Variants in SUN1 observed in about 807,000 individuals in gnomAD.
SUN1 encodes the protein Sad1 and UNC84 domain containing 1, also known as SUN domain-containing protein 1.
In SUN1, 61 loss-of-function variants were observed where a neutral mutation model predicts 103.2. The ratio of observed to expected loss-of-function variants is 0.59; its 90% CI spans 0.48 to 0.73. The LOEUF is 0.73. Ranked by LOEUF, SUN1 falls within the 30% of genes least tolerant of loss-of-function variation. The pLI is 0.00. For synonymous variants in SUN1, 490 were observed against 425.7 expected (o/e 1.15, Z -1.86); for missense variants, 1,052 against 1,034.6 (o/e 1.02, Z -0.23).
At chr7:830,584 C>T (rs1371292783), upstream of SUN1, among the ~76,000 whole-genome samples, 2 of 92,030 alleles carry the variant, frequency 2.2e-5, no homozygotes, top group East Asian at 3.4e-4. Flanking sequence ...GACTCCACAT[C>T]CTCACTTCCT....
Position 848,280 on chromosome 7 carries a change from C to G in SUN1, c.659-3104C>G. 5 of 738,238 alleles carry G rather than the reference C, an allele frequency of 6.8e-6. No homozygotes were observed. The East Asian group carries it at 2.9e-4, about 43-fold the overall frequency. 45.7% of individuals were successfully genotyped at this position (738,238 alleles called of 1,614,324 possible). The stretch of plus-strand genomic sequence containing the variant: ...TCCAGGGTCCCCTGTCCACTGCCAG[C>G]TGGGCTCTTCCCCAAGTGATTATCT... On this transcript the variant is annotated intron_variant, in intron 5 of 18. Transcript: ENST00000401592.
chr7:840,137 T>C lies in SUN1; in HGVS notation c.266+1151T>C, dbSNP rs116824563. On this transcript the variant is annotated intron_variant, in intron 2 of 18. Coordinates refer to ENST00000401592, the MANE Select transcript of SUN1 (RefSeq NM_001130965.3). ...GTGGCTGTTAAGAGCGATGGCGGAA[T>C]GGTTGATGGGTGGAGAACTGCCTGG... 3.9e-3 allele frequency among the ~76,000 whole-genome samples: 595 copies of C among 152,316 alleles called. 4 individuals are homozygous for C. Among genetic ancestry groups the C allele is most frequent in the African/African-American group, 0.014 (562 of 41,570 alleles).
intron 17 of SUN1, 77 bp from the exon 18 acceptor site, chr7:872,393 G>A: frequency 1.7e-6 from 2 of 1,208,186 alleles, no homozygotes; most frequent in Admixed American, 2.0e-5. Context: ...CTTAGTGCTG[G>A]CTGTGGAAGG....
intron 1 of SUN1, among the ~76,000 whole-genome samples, chr7:835,748 C>T (rs567909398): frequency 6.6e-6 from 1 of 152,322 alleles, no homozygotes; most frequent in South Asian, 2.1e-4. Flanking sequence ...CAGCTTGACC[C>T]ACCCGCAGTA....
chr7:851,322 C>A, intron 5 of SUN1, 62 bp from the exon 6 acceptor site: 1 of 1,436,488 alleles, frequency 7.0e-7, no homozygotes, highest in Admixed American at 2.0e-5. Context: ...CCCCACCGTG[C>A]TGTCACTGCA....
chr7:843,176 ATGTGTG>A, intron 3 of SUN1, 24 bp from the exon 4 acceptor site: 1 of 1,576,988 alleles, frequency 6.3e-7, no homozygotes, highest in Non-Finnish European at 8.6e-7. Flanking sequence ...AACAGCAAAA[ATGTGTG>A]TGTGTGTGTG....
upstream of SUN1, among the ~76,000 whole-genome samples, chr7:829,844 G>A (rs571615572): frequency 3.5e-4 from 53 of 152,242 alleles, no homozygotes; most frequent in South Asian, 5.4e-3. Context: ...GTGAGCCACC[G>A]AGCCCGGCCA....
intron 1 of SUN1, among the ~76,000 whole-genome samples, chr7:838,394 A>T (rs73043601): frequency 6.6e-6 from 1 of 152,238 alleles, no homozygotes. Flanking sequence ...GCGTGGATTC[A>T]TTCTACGGCG....
At chr7:852,721 T>G in intron 8 of SUN1, 54 bp downstream of exon 8, 1 of 1,613,838 alleles carries the variant, frequency 6.2e-7, no homozygotes, top group African/African-American at 1.3e-5. Context: ...CACACATATG[T>G]GTAACTTAGT....
chr7:870,843 G>A (rs1335635196), intron 17 of SUN1, among the ~76,000 whole-genome samples: 2 of 151,808 alleles, frequency 1.3e-5, no homozygotes, highest in East Asian at 1.9e-4. Context: ...TTGTACGGCC[G>A]AGTCGGTGCA....
chr7:856,410 A>T lies in SUN1; in HGVS notation c.1394+9A>T. 3 of 1,614,056 alleles carry T rather than the reference A, an allele frequency of 1.9e-6. No individual in the cohort carries two copies. The highest frequency in any genetic ancestry group is 2.5e-6 in the Non-Finnish European group (3 of 1,179,972). ...AAGCAAAAAACAATCAGGTAGGAGG[A>T]TTTGGAAAACATTCACTTTTGTCTT... is the stretch of plus-strand genomic sequence containing the variant. On this transcript the variant is annotated intron_variant, in intron 12 of 18. Transcript: ENST00000401592.
intron 17 of SUN1, among the ~76,000 whole-genome samples, chr7:872,096 C>G (rs1842132307): frequency 6.6e-6 from 1 of 152,182 alleles, no homozygotes; most frequent in Non-Finnish European, 1.5e-5. Flanking sequence ...GGCCTCATCT[C>G]CCCGGGCTCA....
At position 852,577 on chromosome 7, in the gene SUN1, T is replaced by C. The variant is rs757332500; in HGVS notation, c.852-32T>C. 4.3e-6 allele frequency: 7 copies of C among 1,613,924 alleles called. No individual in the cohort carries two copies. The African/African-American group carries it at 9.3e-5, about 22-fold the overall frequency. On this transcript the variant is annotated intron_variant, in intron 7 of 18. Transcript: ENST00000401592. ...TTGGTGAACCCTGACTTTCATTTTT[T>C]CTAAGTCAAAGGTTTTCATTGTTAC...
rs1457600326 is a variant in SUN1 at position 825,158 on chromosome 7, A to C, written c.-74+8485A>C. ...ACTGCAAGCTCCACCTCCCGGGTTC[A>C]CGCCATTCTCCTGCCTCAGCCTCCC... On this transcript the variant is annotated intron_variant, in intron 1 of 17. Coordinates refer to the SUN1 transcript ENST00000389574. Among the ~76,000 whole-genome samples the C allele has an allele frequency of 6.6e-5, 10 of 151,824 alleles. No individual in the cohort carries two copies. In the East Asian group the frequency reaches 1.9e-3, roughly 29 times the overall value.
At chr7:833,796 AGTG>A (rs1312637844) in intron 1 of SUN1, among the ~76,000 whole-genome samples, 23 of 152,232 alleles carry the variant, frequency 1.5e-4, no homozygotes, top group Non-Finnish European at 2.9e-4. Flanking sequence ...AGAGTCCTGT[AGTG>A]GTGAGAACAG....
chr7:857,114 A>T (rs765689026), intron 12 of SUN1, among the ~76,000 whole-genome samples: 1 of 151,344 alleles, frequency 6.6e-6, no homozygotes, highest in Non-Finnish European at 1.5e-5. Flanking sequence ...TGTCTTTCTT[A>T]CTTCATTTTA....
intron 13 of SUN1, among the ~76,000 whole-genome samples, chr7:859,767 C>A (rs929427649): frequency 6.6e-6 from 1 of 152,072 alleles, no homozygotes; most frequent in Non-Finnish European, 1.5e-5. Flanking sequence ...CTCATCAGAC[C>A]AAGTTTGTTG....
intron 9 of SUN1, 132 bp from the exon 10 acceptor site, chr7:853,277 G>A (rs958964926): frequency 3.8e-6 from 4 of 1,043,168 alleles, no homozygotes; most frequent in Non-Finnish European, 5.6e-6. Context: ...CCGGGTTTCT[G>A]TGGATTCCTC....
Position 857,871 on chromosome 7 carries a change from C to T in SUN1, c.1438C>T (p.Leu480=), listed in dbSNP as rs565714490. ...CCTGCCCACAGTCGAGCACCTCCAGCTGGAGCTGGATCAGCTAAAGTCAGA... is the reference window on the plus strand; with the variant it reads ...CCTGCCCACAGTCGAGCACCTCCAGTTGGAGCTGGATCAGCTAAAGTCAGA... ...QLLPTVEHLQ[L]ELDQLKSELS... is the part of the protein sequence containing the mutation. Residue 480 remains leucine, a synonymous_variant, in exon 13 of 19, where the codon CTG becomes TTG. Coordinates refer to ENST00000401592, the MANE Select transcript of SUN1 (RefSeq NM_001130965.3). 2.5e-6 allele frequency: 4 copies of T among 1,598,962 alleles called. No homozygotes were observed. Among genetic ancestry groups the T allele is most frequent in the East Asian group, 4.5e-5 (2 of 44,340 alleles).
Sources: gnomAD v4.1 joint callset for allele counts (sites outside exome capture counted in the v4.1 genomes callset) on GRCh38, gnomAD v4.1.1 for gene constraint, MANE v1.5 for transcripts, NCBI Gene and HGNC (gene_info 2026-07-23, HGNC 2026-07-21) for gene names.